LIMK2: variants seen among roughly 807,000 people sequenced by gnomAD.
LIMK2 encodes the protein LIM domain kinase 2.
Under a neutral mutation model 75.7 loss-of-function variants are expected in LIMK2, and 35 were observed. The observed-to-expected ratio is 0.46, with a 90% CI of 0.35 to 0.61. LIMK2 has a LOEUF of 0.61. Among genes scored for constraint, LIMK2 ranks in the 20% least tolerant of loss-of-function variants. The pLI is 0.00. For missense variants in LIMK2, 623 were observed against 831.0 expected, an observed-to-expected ratio of 0.75 and a Z score of 3.08; for synonymous variants, 301 against 319.2, an observed-to-expected ratio of 0.94 and a Z score of 0.61.
In LIMK2 at chr22:31,258,323, G is replaced by C; in HGVS notation, c.149G>C (p.Trp50Ser). ...GAATGCCAGGATTCCCTCACCAACT[G>C]GTACTATGAGAAGGATGGGAAGCTC... ...CSECQDSLTN[W>S]YYEKDGKLYC... Residue 50 changes from tryptophan to serine, a missense_variant, in exon 3 of 16, where the codon TGG becomes TCG. Around this residue, in one of 3 missense-constraint regions of LIMK2, gnomAD observed 514 missense variants for 661.3 expected, o/e 0.78. Coordinates refer to ENST00000331728, the MANE Select transcript of LIMK2 (RefSeq NM_005569.4). 6.2e-7 allele frequency: 1 copy of C among 1,611,980 alleles called. No individual in the cohort carries two copies. The highest frequency in any genetic ancestry group is 8.5e-7 in the Non-Finnish European group (1 of 1,178,686).
intron 11 of LIMK2, 28 bp from the exon 12 acceptor site, chr22:31,271,108 G>A (rs773966888): frequency 8.7e-6 from 14 of 1,606,642 alleles, no homozygotes; most frequent in Non-Finnish European, 1.1e-5. Context: ...TGCTGGCCCT[G>A]TAGCCTCAGC....
intron 2 of LIMK2, among the ~76,000 whole-genome samples, chr22:31,239,040 C>T (rs1235776252): frequency 6.6e-6 from 1 of 152,070 alleles, no homozygotes; most frequent in Non-Finnish European, 1.5e-5. Flanking sequence ...GCTTACAGCC[C>T]ATATAGACAA....
In LIMK2 at chr22:31,272,987, T is replaced by G. The variant is rs2048975198; in HGVS notation, c.1558+283T>G. On this transcript the variant is annotated intron_variant, in intron 13 of 15. Coordinates refer to ENST00000331728, the MANE Select transcript of LIMK2 (RefSeq NM_005569.4). The stretch of plus-strand genomic sequence containing the variant: ...TCAGGCTATTGTCCCAGCTTTAGCC[T>G]TCTCTCTCCATGGTGAGAACTGAAG... 2.5e-6 allele frequency: 3 copies of G among 1,202,456 alleles called. No individual in the cohort carries two copies. In the African/African-American group the frequency reaches 4.6e-5, roughly 19 times the overall value. The allele number at this position is 1,202,456 out of a possible 1,614,324, so 74.5% of individuals were successfully genotyped here.
intron 7 of LIMK2, among the ~76,000 whole-genome samples, chr22:31,263,999 A>G (rs2048866780): frequency 6.6e-6 from 1 of 152,170 alleles, no homozygotes; most frequent in Admixed American, 6.5e-5. Context: ...CCAAAAAAAA[A>G]AGTTTGTTTT....
At chr22:31,243,296 G>A (rs934320061) in intron 2 of LIMK2, among the ~76,000 whole-genome samples, 2 of 152,190 alleles carry the variant, frequency 1.3e-5, no homozygotes, top group South Asian at 2.1e-4. Context: ...AGTGGGGCAC[G>A]AAAGATGGTT....
chr22:31,215,939 G>A (rs867094443), intron 1 of LIMK2, among the ~76,000 whole-genome samples: 1 of 152,322 alleles, frequency 6.6e-6, no homozygotes. Context: ...TTCCTGCTAT[G>A]TGCTAAACTC....
intron 2 of LIMK2, among the ~76,000 whole-genome samples, chr22:31,244,132 G>T (rs2048646108): frequency 2.0e-5 from 3 of 152,184 alleles, no homozygotes; most frequent in Admixed American, 2.0e-4. Flanking sequence ...AGGGGGAGAG[G>T]AGAGCGCCTG....
chr22:31,225,875 C>A, intron 2 of LIMK2, 56 bp downstream of exon 2: 1 of 1,257,796 alleles, frequency 8.0e-7, no homozygotes, highest in Non-Finnish European at 1.2e-6. Context: ...AGCACTATTT[C>A]ATGTTCTGAT....
intron 11 of LIMK2, among the ~76,000 whole-genome samples, chr22:31,270,520 A>G (rs917395455): frequency 2.0e-5 from 3 of 152,298 alleles, no homozygotes; most frequent in Non-Finnish European, 2.9e-5. Context: ...TTGCAAGGGA[A>G]GGAGAAAGGA....
intron 7 of LIMK2, among the ~76,000 whole-genome samples, chr22:31,265,321 G>A (rs966162951): frequency 4.0e-5 from 6 of 151,218 alleles, no homozygotes; most frequent in East Asian, 1.9e-4. Context: ...AGCCGAGATC[G>A]TGCCATTGCA....
intron 15 of LIMK2, among the ~76,000 whole-genome samples, chr22:31,276,454 G>A (rs1569005001): frequency 6.7e-6 from 1 of 149,726 alleles, no homozygotes; most frequent in African/African-American, 2.4e-5. Flanking sequence ...AAAGCGCTTC[G>A]GCGGCGGCAG....
intron 2 of LIMK2, among the ~76,000 whole-genome samples, chr22:31,245,276 A>G (rs1201576052): frequency 1.3e-5 from 2 of 152,132 alleles, no homozygotes; most frequent in African/African-American, 4.8e-5. Context: ...CCCATTGCCT[A>G]TTTTAATACG....
intron 12 of LIMK2, 72 bp from the exon 13 acceptor site, chr22:31,272,457 GC>G: frequency 7.0e-7 from 1 of 1,425,260 alleles, no homozygotes; most frequent in Non-Finnish European, 9.5e-7. Flanking sequence ...GGCTTCTCTT[GC>G]CTATGCTTCC....
Position 31,272,666 on chromosome 22 carries a change from T to TG in LIMK2, c.1523dup (p.Asn509LysfsTer8). On this transcript the variant is annotated frameshift_variant, in exon 13 of 16. Coordinates refer to ENST00000331728, the MANE Select transcript of LIMK2 (RefSeq NM_005569.4). LOFTEE classifies it high-confidence loss of function. ...GACCGCAAGAAGCGCTACACGGTGGTGGGAAACCCCTACTGGATGGCCCCT... is the reference window on the plus strand; with the variant it reads ...GACCGCAAGAAGCGCTACACGGTGGTGGGGAAACCCCTACTGGATGGCCCCT... 2 of 1,612,070 alleles carry TG rather than the reference T, an allele frequency of 1.2e-6. No homozygotes were observed. Among genetic ancestry groups the TG allele is most frequent in the Non-Finnish European group, 1.7e-6 (2 of 1,179,432 alleles).
chr22:31,236,931 CATAAAATAAAATAAA>C (rs200484476), intron 2 of LIMK2, among the ~76,000 whole-genome samples: 81 of 144,794 alleles, frequency 5.6e-4, no homozygotes, highest in African/African-American at 1.7e-3. Flanking sequence ...AATAAATAAA[CATAAAATAAAATAAA>C]ATAAAATAAA....
intron 1 of LIMK2, among the ~76,000 whole-genome samples, chr22:31,217,955 C>T (rs1019874645): frequency 4.6e-5 from 7 of 152,184 alleles, no homozygotes; most frequent in African/African-American, 1.7e-4. Flanking sequence ...CTACTCTGTG[C>T]CTTGTACATG....
Position 31,212,496 on chromosome 22 carries a change from C to T in LIMK2, c.16+72C>T. 4.6e-6 allele frequency: 6 copies of T among 1,302,358 alleles called. No individual in the cohort carries two copies. The South Asian group carries it at 9.4e-5, about 20-fold the overall frequency. The allele number at this position is 1,302,358 out of a possible 1,614,324, so 80.7% of individuals were successfully genotyped here. A position where few individuals can be genotyped will look rare whatever the true frequency, so the allele number is the denominator to read the frequency against. The stretch of plus-strand genomic sequence containing the variant: ...CGGTTCCATGGCGCCTGAGGGAAAC[C>T]GGCTGTCTCTCGGGGGTTTCGGGCT... On this transcript the variant is annotated intron_variant, in intron 1 of 15. Coordinates refer to ENST00000331728, the MANE Select transcript of LIMK2 (RefSeq NM_005569.4).
At chr22:31,236,255 C>G (rs1138706) in intron 2 of LIMK2, among the ~76,000 whole-genome samples, 1 of 148,248 alleles carries the variant, frequency 6.7e-6, no homozygotes, top group African/African-American at 2.5e-5. Flanking sequence ...GATTGCACCA[C>G]TGCACTCCAG....
At chr22:31,239,660 T>C (rs1482722011) in intron 2 of LIMK2, among the ~76,000 whole-genome samples, 1 of 152,236 alleles carries the variant, frequency 6.6e-6, no homozygotes, top group Non-Finnish European at 1.5e-5. Context: ...ACCTCAGTTA[T>C]ATCCATTTCA....
Sources: gnomAD v4.1 joint callset for allele counts (sites outside exome capture counted in the v4.1 genomes callset) on GRCh38, gnomAD v4.1.1 for gene constraint, gnomAD v4.1.1 regional missense constraint, MANE v1.5 for transcripts, NCBI Gene and HGNC (gene_info 2026-07-23, HGNC 2026-07-21) for gene names.